FOXN3: variants seen among roughly 807,000 people sequenced by gnomAD.
The protein encoded by FOXN3 is forkhead box N3, also known as forkhead box protein N3.
Under a neutral mutation model 38.4 loss-of-function variants are expected in FOXN3, and 7 were observed. The ratio of observed to expected loss-of-function variants is 0.18; its 90% confidence interval spans 0.10 to 0.34. The LOEUF (loss-of-function observed/expected upper bound fraction) is 0.34, where lower values mean the gene tolerates loss of function less well. FOXN3 is among the 10% of genes least tolerant of loss of function. The probability of loss-of-function intolerance (pLI) is 1.00; values close to 1 mark genes in which losing one functional copy is unlikely to be tolerated. For missense variants in FOXN3, 456 were observed against 613.4 expected (o/e 0.74, Z 2.71); for synonymous variants, 230 against 242.2 (o/e 0.95, Z 0.47).
chr14:89,348,728 C>T (rs775340894), intron 3 of FOXN3, among the ~76,000 whole-genome samples: 3 of 151,912 alleles, frequency 2.0e-5, no homozygotes, highest in Non-Finnish European at 4.4e-5. Context: ...AATATTCCTT[C>T]GGAAATGATT....
intron 1 of FOXN3, among the ~76,000 whole-genome samples, chr14:89,554,506 T>A (rs1895073417): frequency 6.6e-6 from 1 of 152,196 alleles, no homozygotes; most frequent in African/African-American, 2.4e-5. Context: ...GTTGTTCACT[T>A]TTGGTTTTCC....
chr14:89,270,331 T>G (rs922525927), intron 4 of FOXN3, among the ~76,000 whole-genome samples: 4 of 152,232 alleles, frequency 2.6e-5, no homozygotes, highest in African/African-American at 9.6e-5. Flanking sequence ...TTTGCTGTTG[T>G]CTGTCGGGGG....
At chr14:89,586,620 T>A (rs546923733) in intron 1 of FOXN3, among the ~76,000 whole-genome samples, 78 of 152,282 alleles carry the variant, frequency 5.1e-4, no homozygotes, top group Non-Finnish European at 1.0e-3. Flanking sequence ...TTTGTTTGCT[T>A]ATGCCTCTAT....
At chr14:89,297,363 C>A (rs1887072160) in intron 3 of FOXN3, among the ~76,000 whole-genome samples, 1 of 151,670 alleles carries the variant, frequency 6.6e-6, no homozygotes, top group Non-Finnish European at 1.5e-5. Context: ...GAGATCGAGA[C>A]CATCCTGGCT....
rs754759867 is a variant in FOXN3, at chr14:89,284,185, T to TA, written c.681-3172dup. ...TGCCTGACCCATCCATTTTTTTTTT[T>TA]AATTTTTTTAAATTGAGACGAAGTC... On this transcript the variant is annotated intron_variant, in intron 3 of 5. Coordinates refer to ENST00000557258, the MANE Select transcript of FOXN3 (RefSeq NM_005197.4). Among the ~76,000 whole-genome samples, 629 of 151,868 alleles carry TA rather than the reference T, an allele frequency of 4.1e-3. 2 individuals are homozygous for TA. Among genetic ancestry groups the TA allele is most frequent in the Middle Eastern group, 0.014 (4 of 294 alleles).
chr14:89,521,926 G>A (rs1894326743), intron 1 of FOXN3, among the ~76,000 whole-genome samples: 1 of 151,906 alleles, frequency 6.6e-6, no homozygotes, highest in African/African-American at 2.4e-5. Flanking sequence ...CTGGGGGTAG[G>A]GGTGGGGTAT....
intron 1 of FOXN3, among the ~76,000 whole-genome samples, chr14:89,601,029 G>A (rs1022757093): frequency 6.6e-6 from 1 of 152,134 alleles, no homozygotes; most frequent in Non-Finnish European, 1.5e-5. Context: ...AGCTAGATTT[G>A]CCTCCTGGGT....
At chr14:89,445,641 A>C (rs1892476294) in intron 1 of FOXN3, among the ~76,000 whole-genome samples, 1 of 152,046 alleles carries the variant, frequency 6.6e-6, no homozygotes, top group African/African-American at 2.4e-5. Context: ...AGGCCTTTTC[A>C]CACTGCCGTA....
chr14:89,405,136 T>C (rs945994712), intron 2 of FOXN3, among the ~76,000 whole-genome samples: 4 of 151,646 alleles, frequency 2.6e-5, no homozygotes, highest in Non-Finnish European at 5.9e-5. Flanking sequence ...TTTCTTTTTT[T>C]GTTGTTGTTT....
At chr14:89,473,920 T>A (rs1893159422) in intron 1 of FOXN3, among the ~76,000 whole-genome samples, 2 of 151,900 alleles carry the variant, frequency 1.3e-5, no homozygotes, top group African/African-American at 4.8e-5. Context: ...TGTAGTATTC[T>A]CCCACGCTAA....
At chr14:89,449,945 G>C (rs923362888) in intron 1 of FOXN3, among the ~76,000 whole-genome samples, 7 of 152,180 alleles carry the variant, frequency 4.6e-5, no homozygotes, top group African/African-American at 7.2e-5. Flanking sequence ...GGGAGTGGGT[G>C]GTTCAGAAAG....
chr14:89,274,054 C>T (rs1049467652), intron 4 of FOXN3, among the ~76,000 whole-genome samples: 3 of 152,066 alleles, frequency 2.0e-5, no homozygotes, highest in Non-Finnish European at 2.9e-5. Flanking sequence ...AGTCAGCTTG[C>T]GGAGCAGATT....
chr14:89,538,764 C>T (rs143955664), intron 1 of FOXN3, among the ~76,000 whole-genome samples: 40 of 152,088 alleles, frequency 2.6e-4, no homozygotes, highest in Admixed American at 2.5e-3. Flanking sequence ...GTGATCCGCC[C>T]GCCTCAGCCT....
intron 1 of FOXN3, among the ~76,000 whole-genome samples, chr14:89,562,943 A>T (rs527434579): frequency 6.6e-6 from 1 of 152,352 alleles, no homozygotes; most frequent in South Asian, 2.1e-4. Context: ...AAGAGTGGTC[A>T]GTGAGAATTT....
At chr14:89,192,849 C>A (rs2139810433) in intron 4 of FOXN3, among the ~76,000 whole-genome samples, 1 of 148,994 alleles carries the variant, frequency 6.7e-6, no homozygotes, top group South Asian at 2.1e-4. Context: ...TAAAACCATT[C>A]AGCTAAAAAA....
At position 89,199,869 on chromosome 14, in the gene FOXN3, G is replaced by A. The variant is rs150141232; in HGVS notation, c.746-19063C>T. ...TAGTAAGCCAAGATTGTGCCACTGC[G>A]CTCAAGCCTGGGCGACACAGCGAGA... On this transcript the variant is annotated intron_variant, in intron 4 of 5. Coordinates refer to ENST00000557258, the MANE Select transcript of FOXN3 (RefSeq NM_005197.4). Among the ~76,000 whole-genome samples the A allele has an allele frequency of 4.3e-3, 648 of 152,024 alleles. 7 individuals are homozygous for A. The highest frequency in any genetic ancestry group is 0.014 in the African/African-American group (598 of 41,462).
At chr14:89,245,189 G>A (rs996546246) in intron 4 of FOXN3, among the ~76,000 whole-genome samples, 1 of 152,120 alleles carries the variant, frequency 6.6e-6, no homozygotes, top group Admixed American at 6.5e-5. Flanking sequence ...AAAAACAAAG[G>A]AAAAATCGAG....
chr14:89,218,347 T>C (rs1884350991), intron 4 of FOXN3, among the ~76,000 whole-genome samples: 1 of 152,204 alleles, frequency 6.6e-6, no homozygotes, highest in African/African-American at 2.4e-5. Context: ...TACAACTGCT[T>C]ATTTTAAAAC....
chr14:89,255,501 T>C (rs899976603), intron 4 of FOXN3, among the ~76,000 whole-genome samples: 3 of 152,152 alleles, frequency 2.0e-5, no homozygotes, highest in Admixed American at 6.5e-5. Context: ...CAAAAAGTCC[T>C]ATGACAAAAG....
Sources: gnomAD v4.1 joint callset for allele counts (sites outside exome capture counted in the v4.1 genomes callset) on GRCh38, gnomAD v4.1.1 for gene constraint, MANE v1.5 for transcripts, NCBI Gene and HGNC (gene_info 2026-07-23, HGNC 2026-07-21) for gene names.